Variants in EGFL6 observed in about 807,000 individuals in gnomAD.
EGFL6 encodes EGF like domain multiple 6.
A neutral mutation model predicts 43.1 loss-of-function variants in EGFL6; 42 were observed. The ratio of observed to expected loss-of-function variants is 0.98; its 90% CI spans 0.76 to 1.26. The LOEUF is 1.26. EGFL6 is among the 50% of genes most tolerant of loss of function. The probability of loss-of-function intolerance (pLI) is 0.00; values close to 1 mark genes in which losing one functional copy is unlikely to be tolerated. For synonymous variants in EGFL6, 164 were observed against 163.2 expected, an observed-to-expected ratio of 1.01 and a Z score of -0.04; for missense variants, 429 against 427.8, an observed-to-expected ratio of 1.00 and a Z score of -0.02.
chrX:13,622,378 G>A (rs149527563), intron 9 of EGFL6, among the ~76,000 whole-genome samples: 20 of 111,710 alleles, frequency 1.8e-4, no homozygotes, highest in African/African-American at 4.6e-4. Flanking sequence ...GATGCTAGAC[G>A]TTTTTTTAAA....
In EGFL6 at chrX:13,581,580, C is replaced by T. The variant is rs771264492; in HGVS notation, c.75-7976C>T. Among the ~76,000 whole-genome samples the T allele has an allele frequency of 3.6e-5, 4 of 112,167 alleles. No homozygotes were observed. In the South Asian group the frequency reaches 1.5e-3, roughly 42 times the overall value. On this transcript the variant is annotated intron_variant, in intron 1 of 11. Transcript: ENST00000361306. Reference sequence around the variant, plus strand: ...AACATCGGCAAAAGAAGTTTAATTTCTCAATTTGTCTTGGAGAATATCATG... The same window carrying T: ...AACATCGGCAAAAGAAGTTTAATTTTTCAATTTGTCTTGGAGAATATCATG...
intron 10 of EGFL6, among the ~76,000 whole-genome samples, chrX:13,625,898 A>AAAAAAG (rs1569210488): frequency 1.3e-4 from 5 of 39,670 alleles, no homozygotes; most frequent in African/African-American, 2.9e-4. Flanking sequence ...AAAAAAAAAA[A>AAAAAAG]AAAAAGAAAA....
chrX:13,600,292 T>C (rs2045626569), intron 4 of EGFL6, among the ~76,000 whole-genome samples, 198 bp downstream of exon 4: 1 of 84,760 alleles, frequency 1.2e-5, no homozygotes. Context: ...TTTTTTTTTT[T>C]TTTTTTTTTT....
intron 5 of EGFL6, among the ~76,000 whole-genome samples, chrX:13,605,251 T>C (rs2045653551): frequency 9.0e-6 from 1 of 111,195 alleles, no homozygotes; most frequent in Admixed American, 9.6e-5. Context: ...CTGGGCAATA[T>C]AGCAAGACTC....
intron 11 of EGFL6, among the ~76,000 whole-genome samples, chrX:13,632,689 TTTTTG>T (rs2045820008): frequency 9.0e-6 from 1 of 111,527 alleles, no homozygotes; most frequent in Admixed American, 9.6e-5. Flanking sequence ...CATATTTTAT[TTTTTG>T]TTTTGCTTTT....
At chrX:13,591,616 A>G (rs760282261) in intron 2 of EGFL6, among the ~76,000 whole-genome samples, 2 of 111,586 alleles carry the variant, frequency 1.8e-5, no homozygotes, top group South Asian at 7.6e-4. Flanking sequence ...CTGATTTCTA[A>G]GCCAGAGTTG....
At chrX:13,586,510 T>C (rs2045534405) in intron 1 of EGFL6, among the ~76,000 whole-genome samples, 1 of 111,282 alleles carries the variant, frequency 9.0e-6, no homozygotes, top group Non-Finnish European at 1.9e-5. Flanking sequence ...GAGGGCACTC[T>C]TGGGTTGCAG....
chrX:13,582,408 A>G (rs1363580946), intron 1 of EGFL6, among the ~76,000 whole-genome samples: 1 of 111,478 alleles, frequency 9.0e-6, no homozygotes, highest in African/African-American at 3.3e-5. Context: ...AATGAGAGTG[A>G]TGTAGATTTG....
intron 7 of EGFL6, among the ~76,000 whole-genome samples, chrX:13,609,514 G>A (rs776554894): frequency 1.8e-5 from 2 of 111,407 alleles, no homozygotes; most frequent in East Asian, 5.6e-4. Context: ...CACTTTGGGA[G>A]GCCCAGGTGG....
At chrX:13,613,157 C>CATATAT (rs35293457) in intron 7 of EGFL6, among the ~76,000 whole-genome samples, 1,686 of 89,385 alleles carry the variant, frequency 0.019, 69 homozygotes, top group African/African-American at 0.068. Context: ...TAAATATATA[C>CATATAT]ATATATATAT....
intron 11 of EGFL6, among the ~76,000 whole-genome samples, chrX:13,632,187 A>C (rs886860203): frequency 1.4e-4 from 15 of 109,142 alleles, no homozygotes; most frequent in African/African-American, 4.7e-4. Context: ...CACGCCTGTA[A>C]TCCCAGCAAC....
chrX:13,580,672 A>G (rs2045500829), intron 1 of EGFL6, among the ~76,000 whole-genome samples: 1 of 111,659 alleles, frequency 9.0e-6, no homozygotes, highest in Non-Finnish European at 1.9e-5. Context: ...AACCACCACA[A>G]TAGCTTCCTT....
chrX:13,581,768 A>G (rs1482385305), intron 1 of EGFL6, among the ~76,000 whole-genome samples: 1 of 112,284 alleles, frequency 8.9e-6, no homozygotes, highest in Non-Finnish European at 1.9e-5. Flanking sequence ...TTTCTGATTA[A>G]TTTGATCAAT....
intron 1 of EGFL6, among the ~76,000 whole-genome samples, chrX:13,586,604 A>T (rs1310795082): frequency 9.0e-6 from 1 of 110,653 alleles, no homozygotes; most frequent in Non-Finnish European, 1.9e-5. Context: ...TGACCTAATT[A>T]CCTCCCAAAG....
chrX:13,610,385 T>G (rs1306728129), intron 7 of EGFL6, among the ~76,000 whole-genome samples: 3 of 112,013 alleles, frequency 2.7e-5, no homozygotes, highest in Non-Finnish European at 3.8e-5. Context: ...CCACTGCCCC[T>G]GGCTTGCAGG....
intron 1 of EGFL6, among the ~76,000 whole-genome samples, chrX:13,588,793 A>G (rs893621040): frequency 2.7e-5 from 3 of 112,596 alleles, no homozygotes; most frequent in Non-Finnish European, 5.6e-5. Context: ...GTGTCCATAA[A>G]TAAAGTTTTA....
intron 7 of EGFL6, among the ~76,000 whole-genome samples, chrX:13,609,351 G>T (rs2045677444): frequency 8.9e-6 from 1 of 112,584 alleles, no homozygotes; most frequent in African/African-American, 3.2e-5. Flanking sequence ...TGTCCCAAAA[G>T]AGAAGAAAAC....
At chrX:13,574,480 G>A (rs1434891430) in intron 1 of EGFL6, among the ~76,000 whole-genome samples, 1 of 111,886 alleles carries the variant, frequency 8.9e-6, no homozygotes, top group African/African-American at 3.3e-5. Flanking sequence ...ACTGAATTGT[G>A]TACTCCCTCA....
chrX:13,583,988 C>T (rs551533726), intron 1 of EGFL6, among the ~76,000 whole-genome samples: 3 of 112,147 alleles, frequency 2.7e-5, no homozygotes, highest in South Asian at 3.8e-4. Context: ...AATCCTACTA[C>T]TACGAATAAT....
Sources: gnomAD v4.1 joint callset for allele counts (sites outside exome capture counted in the v4.1 genomes callset) on GRCh38, gnomAD v4.1.1 for gene constraint, MANE v1.5 for transcripts, NCBI Gene and HGNC (gene_info 2026-07-23, HGNC 2026-07-21) for gene names.